The following UNC5C variants were observed in gnomAD, a reference collection of about 807,000 sequenced individuals.
UNC5C encodes unc-5 netrin receptor C.
In UNC5C, 47 loss-of-function variants were observed where a neutral mutation model predicts 99.8. That is an observed-to-expected ratio of 0.47 (90% confidence interval 0.37 to 0.60). The LOEUF is 0.60. Ranked by LOEUF, UNC5C falls within the 20% of genes least tolerant of loss-of-function variation. The pLI, the probability that UNC5C is intolerant of heterozygous loss-of-function variation, is 0.00. For missense variants in UNC5C, 1,062 were observed against 1,165.9 expected, an observed-to-expected ratio of 0.91 and a Z score of 1.30; for synonymous variants, 487 against 452.2, an observed-to-expected ratio of 1.08 and a Z score of -0.98.
At chr4:95,427,564 A>G (rs1377880642) in intron 1 of UNC5C, among the ~76,000 whole-genome samples, 1 of 152,194 alleles carries the variant, frequency 6.6e-6, no homozygotes, top group Non-Finnish European at 1.5e-5. Flanking sequence ...AAGACCCTCA[A>G]CAAGCAAAAA....
intron 4 of UNC5C, among the ~76,000 whole-genome samples, chr4:95,254,977 C>A (rs533592148): frequency 3.1e-4 from 47 of 152,076 alleles, no homozygotes; most frequent in African/African-American, 1.1e-3. Context: ...GCCTACAACA[C>A]CACTGTGTGT....
At chr4:95,526,011 A>G (rs374094915) in intron 1 of UNC5C, among the ~76,000 whole-genome samples, 4 of 152,340 alleles carry the variant, frequency 2.6e-5, no homozygotes, top group African/African-American at 9.6e-5. Flanking sequence ...CAGGTAAAGC[A>G]TACTCTGTTA....
intron 10 of UNC5C, among the ~76,000 whole-genome samples, chr4:95,209,235 G>T (rs1737991148): frequency 6.6e-6 from 1 of 152,144 alleles, no homozygotes; most frequent in Non-Finnish European, 1.5e-5. Context: ...CTATCGCTGT[G>T]GGTAATAAGC....
At chr4:95,191,991 C>A (rs1157986475) in intron 12 of UNC5C, among the ~76,000 whole-genome samples, 3 of 130,442 alleles carry the variant, frequency 2.3e-5, no homozygotes, top group Admixed American at 7.7e-5. Context: ...CTCCCCCCTG[C>A]TAATCCTCCT....
intron 1 of UNC5C, among the ~76,000 whole-genome samples, chr4:95,385,684 G>A (rs1745192691): frequency 6.6e-6 from 1 of 152,202 alleles, no homozygotes; most frequent in Non-Finnish European, 1.5e-5. Flanking sequence ...GTGCTTGCCA[G>A]TGGTTGAAGG....
At chr4:95,330,814 C>A (rs1423257330) in intron 2 of UNC5C, among the ~76,000 whole-genome samples, 2 of 151,982 alleles carry the variant, frequency 1.3e-5, no homozygotes, top group East Asian at 3.9e-4. Context: ...TTCCTAACTT[C>A]ATTCTTTTTA....
At chr4:95,362,999 T>C (rs186297226) in intron 1 of UNC5C, among the ~76,000 whole-genome samples, 2 of 152,216 alleles carry the variant, frequency 1.3e-5, no homozygotes, top group African/African-American at 4.8e-5. Context: ...GCCGTTCATA[T>C]TGTAGTTTAT....
At chr4:95,238,562 A>G (rs1019602649) in intron 7 of UNC5C, among the ~76,000 whole-genome samples, 9 of 152,140 alleles carry the variant, frequency 5.9e-5, no homozygotes, top group African/African-American at 1.9e-4. Context: ...TAAGGAACCA[A>G]TTGTTGTTTT....
At chr4:95,261,708 C>CCT (rs111765468) in intron 4 of UNC5C, among the ~76,000 whole-genome samples, 1 of 145,806 alleles carries the variant, frequency 6.9e-6, no homozygotes, top group African/African-American at 2.5e-5. Flanking sequence ...ATATGAATTC[C>CCT]TTTTTTTTTT....
At chr4:95,233,828 A>C (rs1052114294) in intron 7 of UNC5C, among the ~76,000 whole-genome samples, 1 of 152,074 alleles carries the variant, frequency 6.6e-6, no homozygotes, top group South Asian at 2.1e-4. Flanking sequence ...CCAACTACTC[A>C]GGAGGCTGAG....
At chr4:95,235,627 G>T (rs1394720287) in intron 7 of UNC5C, among the ~76,000 whole-genome samples, 2 of 152,126 alleles carry the variant, frequency 1.3e-5, no homozygotes, top group African/African-American at 4.8e-5. Context: ...GTCTAACATT[G>T]CAGTCTTTAA....
chr4:95,482,777 C>G (rs1009449282), intron 1 of UNC5C, among the ~76,000 whole-genome samples: 1 of 120,232 alleles, frequency 8.3e-6, no homozygotes, highest in Non-Finnish European at 1.7e-5. Flanking sequence ...CCAAACACCG[C>G]GTGTTCTCAC....
intron 3 of UNC5C, among the ~76,000 whole-genome samples, chr4:95,293,907 C>T (rs866564319): frequency 2.0e-5 from 3 of 152,292 alleles, no homozygotes; most frequent in Admixed American, 1.3e-4. Context: ...TGAAACAGCA[C>T]TTCCATTATT....
At chr4:95,515,967 G>A (rs751639756) in intron 1 of UNC5C, among the ~76,000 whole-genome samples, 9 of 152,132 alleles carry the variant, frequency 5.9e-5, no homozygotes, top group Admixed American at 3.9e-4. Flanking sequence ...AATGCTCTAT[G>A]TGCATGTATG....
At chr4:95,415,470 A>G (rs1156928138) in intron 1 of UNC5C, among the ~76,000 whole-genome samples, 1 of 152,164 alleles carries the variant, frequency 6.6e-6, no homozygotes, top group African/African-American at 2.4e-5. Context: ...GTCCTTAAGA[A>G]AACCAACCAA....
chr4:95,384,545 A>G (rs1018366298), intron 1 of UNC5C, among the ~76,000 whole-genome samples: 1 of 152,198 alleles, frequency 6.6e-6, no homozygotes, highest in Non-Finnish European at 1.5e-5. Flanking sequence ...GCTGGACCAC[A>G]GTCAACACTG....
intron 1 of UNC5C, among the ~76,000 whole-genome samples, chr4:95,364,904 A>C (rs1553966910): frequency 6.6e-6 from 1 of 152,060 alleles, no homozygotes; most frequent in Non-Finnish European, 1.5e-5. Context: ...AAGCACTGTC[A>C]AATTCTTTAT....
At chr4:95,448,244 G>C (rs1747177509) in intron 1 of UNC5C, among the ~76,000 whole-genome samples, 1 of 150,950 alleles carries the variant, frequency 6.6e-6, no homozygotes, top group African/African-American at 2.4e-5. Context: ...GAGAGAGAGA[G>C]AGAGAGAGAG....
intron 1 of UNC5C, among the ~76,000 whole-genome samples, chr4:95,391,937 G>A (rs373938254): frequency 2.9e-4 from 44 of 152,084 alleles, no homozygotes; most frequent in South Asian, 1.2e-3. Context: ...CACCCCTGTC[G>A]TCCCAGCTAC....
Sources: allele counts gnomAD v4.1 joint callset (sites outside exome capture counted in the v4.1 genomes callset), GRCh38; gene constraint gnomAD v4.1.1; transcripts MANE v1.5; gene names NCBI Gene and HGNC (gene_info 2026-07-23, HGNC 2026-07-21).